Variants in SLC25A21 observed in about 807,000 individuals in gnomAD.
The protein encoded by SLC25A21 is solute carrier family 25 member 21, also known as mitochondrial 2-oxodicarboxylate carrier.
SLC25A21 carries 47 observed loss-of-function variants against 43.8 expected under a neutral mutation model. The ratio of observed to expected loss-of-function variants is 1.07; its 90% CI spans 0.85 to 1.37. The LOEUF is 1.37. SLC25A21 is among the 40% of genes most tolerant of loss of function. The pLI, the probability that SLC25A21 is intolerant of heterozygous loss-of-function variation, is 0.00. For missense variants in SLC25A21, 352 were observed against 350.2 expected (o/e 1.00, Z -0.04); for synonymous variants, 131 against 121.3 (o/e 1.08, Z -0.52).
intron 1 of SLC25A21, among the ~76,000 whole-genome samples, chr14:36,882,920 T>A (rs1890780031): frequency 6.6e-6 from 1 of 152,144 alleles, no homozygotes; most frequent in African/African-American, 2.4e-5. Flanking sequence ...TATCTGGAAA[T>A]CTCTTTGACT....
At chr14:37,150,186 T>C (rs1963735003) in intron 1 of SLC25A21, among the ~76,000 whole-genome samples, 1 of 152,118 alleles carries the variant, frequency 6.6e-6, no homozygotes, top group African/African-American at 2.4e-5. Context: ...TTTAGAGATG[T>C]TTATAATTTA....
At chr14:36,933,087 G>A (rs1471904822) in intron 1 of SLC25A21, among the ~76,000 whole-genome samples, 1 of 152,134 alleles carries the variant, frequency 6.6e-6, no homozygotes, top group African/African-American at 2.4e-5. Flanking sequence ...TGAAAGCAGG[G>A]TGAGATGAAT....
chr14:36,737,934 C>T (rs7152895), intron 3 of SLC25A21, among the ~76,000 whole-genome samples: 110,269 of 152,120 alleles, frequency 0.72, 41,013 homozygotes, highest in African/African-American at 0.89. Flanking sequence ...GGTATTTACC[C>T]CTGCCTTTGA....
intron 3 of SLC25A21, among the ~76,000 whole-genome samples, chr14:36,803,120 T>A (rs1387602223): frequency 3.3e-5 from 5 of 152,194 alleles, no homozygotes; most frequent in Non-Finnish European, 7.3e-5. Context: ...TGAAGTAATA[T>A]CTTACCTTAC....
chr14:37,161,591 T>C (rs1036386718), intron 1 of SLC25A21, among the ~76,000 whole-genome samples: 7 of 152,088 alleles, frequency 4.6e-5, no homozygotes. Context: ...TAAAATATGG[T>C]CATATTGGAT....
intron 1 of SLC25A21, among the ~76,000 whole-genome samples, chr14:36,936,532 G>C (rs1305312946): frequency 6.6e-6 from 1 of 152,148 alleles, no homozygotes; most frequent in Admixed American, 6.5e-5. Flanking sequence ...ACAATGTAAA[G>C]CGAGAACTAA....
intron 2 of SLC25A21, among the ~76,000 whole-genome samples, chr14:36,851,142 C>T (rs1170841428): frequency 6.6e-6 from 1 of 152,144 alleles, no homozygotes; most frequent in Non-Finnish European, 1.5e-5. Flanking sequence ...TAATAGTTAA[C>T]TAAACTTGGT....
At chr14:36,875,668 T>C (rs1301107523) in intron 1 of SLC25A21, among the ~76,000 whole-genome samples, 3 of 152,168 alleles carry the variant, frequency 2.0e-5, no homozygotes, top group East Asian at 3.8e-4. Context: ...AATTGAAGCA[T>C]ATAAGTTAAA....
intron 3 of SLC25A21, among the ~76,000 whole-genome samples, chr14:36,783,137 C>T (rs972997403): frequency 6.7e-6 from 1 of 149,408 alleles, no homozygotes; most frequent in Non-Finnish European, 1.5e-5. Context: ...TTATTTCAAT[C>T]CTGCAGAGTT....
At chr14:36,977,729 T>G (rs2138694835) in intron 1 of SLC25A21, among the ~76,000 whole-genome samples, 1 of 152,240 alleles carries the variant, frequency 6.6e-6, no homozygotes. Flanking sequence ...CACACATTAC[T>G]GTCAAAAAGG....
At chr14:37,043,688 C>G (rs1474910601) in intron 1 of SLC25A21, among the ~76,000 whole-genome samples, 2 of 152,082 alleles carry the variant, frequency 1.3e-5, no homozygotes, top group African/African-American at 2.4e-5. Context: ...GACTGCAGCA[C>G]TCATCATCCT....
chr14:37,016,683 G>C (rs1960864309), intron 1 of SLC25A21, among the ~76,000 whole-genome samples: 1 of 152,076 alleles, frequency 6.6e-6, no homozygotes, highest in South Asian at 2.1e-4. Context: ...CTCTAGCTAT[G>C]AAAGTCCCAG....
At chr14:36,808,951 G>A (rs1888137269) in intron 3 of SLC25A21, 2 of 152,082 alleles carry the variant, frequency 1.3e-5, no homozygotes, top group African/African-American at 4.8e-5. Context: ...ACGACATAAT[G>A]TATAGTCCCC....
chr14:36,871,959 TA>T (rs1427658370), intron 2 of SLC25A21, among the ~76,000 whole-genome samples: 1 of 152,174 alleles, frequency 6.6e-6, no homozygotes, highest in Admixed American at 6.6e-5. Flanking sequence ...ATCAGCTAGG[TA>T]AAATTTCAAT....
intron 1 of SLC25A21, among the ~76,000 whole-genome samples, chr14:36,950,250 G>C (rs1293792528): frequency 6.6e-6 from 1 of 152,102 alleles, no homozygotes; most frequent in African/African-American, 2.4e-5. Context: ...ACTTTGATTA[G>C]CTTGTTATGG....
intron 1 of SLC25A21, among the ~76,000 whole-genome samples, chr14:36,895,346 C>T (rs1187595450): frequency 1.3e-5 from 2 of 152,144 alleles, no homozygotes; most frequent in Non-Finnish European, 2.9e-5. Context: ...TTATAGTATT[C>T]TGTGATGGTA....
At chr14:36,740,929 T>C (rs1275933715) in intron 3 of SLC25A21, among the ~76,000 whole-genome samples, 2 of 152,168 alleles carry the variant, frequency 1.3e-5, no homozygotes, top group Non-Finnish European at 2.9e-5. Context: ...GTACCTGATA[T>C]CTTTAGTCAG....
At position 36,717,806 on chromosome 14, in the gene SLC25A21, C is replaced by A. The variant is rs138674513; in HGVS notation, c.439-6324G>T. Among the ~76,000 whole-genome samples the A allele has an allele frequency of 2.7e-3, 411 of 152,260 alleles. 1 individual carries two copies. Among genetic ancestry groups the A allele is most frequent in the African/African-American group, 9.6e-3 (400 of 41,558 alleles). ...TTAGTGTTCAGTTTCTTAGAGCTAACTTTTTTGGGCTTTATTTTCTCTACC... is the reference window on the plus strand; with the variant it reads ...TTAGTGTTCAGTTTCTTAGAGCTAAATTTTTTGGGCTTTATTTTCTCTACC... On this transcript the variant is annotated intron_variant, in intron 6 of 9. Transcript: ENST00000331299.
chr14:36,997,120 G>A (rs1960387887), intron 1 of SLC25A21, among the ~76,000 whole-genome samples: 1 of 152,070 alleles, frequency 6.6e-6, no homozygotes, highest in Admixed American at 6.6e-5. Flanking sequence ...GAACCCTGAT[G>A]ATAAACACAC....
Sources: allele counts gnomAD v4.1 joint callset (sites outside exome capture counted in the v4.1 genomes callset), GRCh38; gene constraint gnomAD v4.1.1; transcripts MANE v1.5; gene names NCBI Gene and HGNC (gene_info 2026-07-23, HGNC 2026-07-21).